DISP1: variants seen among roughly 807,000 people sequenced by gnomAD.
The protein encoded by DISP1 is protein dispatched homolog 1.
Under a neutral mutation model 37.3 loss-of-function variants are expected in DISP1, and 30 were observed. The observed-to-expected ratio is 0.80, with a 90% CI of 0.60 to 1.09. The LOEUF is 1.09. DISP1 is among the 50% of genes least tolerant of loss of function. DISP1 has a pLI of 0.00. For missense variants in DISP1, 1,598 were observed against 1,879.5 expected (o/e 0.85, Z 2.77); for synonymous variants, 634 against 690.2 (o/e 0.92, Z 1.28).
intron 2 of DISP1, among the ~76,000 whole-genome samples, chr1:222,933,043 A>G (rs926408789): frequency 6.6e-6 from 1 of 151,968 alleles, no homozygotes; most frequent in Non-Finnish European, 1.5e-5. Context: ...TGAAATTTCT[A>G]TCACTCACCT....
intron 1 of DISP1, among the ~76,000 whole-genome samples, chr1:222,920,419 T>G (rs1028937870): frequency 3.3e-5 from 5 of 152,210 alleles, no homozygotes; most frequent in African/African-American, 7.2e-5. Flanking sequence ...GCAGCACAGA[T>G]TATATATTTA....
chr1:222,992,061 A>G lies in DISP1; in HGVS notation c.840A>G (p.Arg280=), dbSNP rs750888209. The change falls in exon 7 of 9, where the codon AGA becomes AGG. Residue 280 remains arginine, a synonymous_variant. Coordinates refer to ENST00000675850, the MANE Select transcript of DISP1 (RefSeq NM_001377229.1). ...WSDDHYEREK[R]EVDWNFHKDS... The stretch of plus-strand genomic sequence containing the variant: ...ATGATCATTATGAAAGAGAGAAAAG[A>G]GAAGTTGACTGGAACTTCCACAAGG... 19 of 1,613,966 alleles carry G rather than the reference A, an allele frequency of 1.2e-5. No homozygotes were observed. The highest frequency in any genetic ancestry group is 1.5e-5 in the Non-Finnish European group (18 of 1,179,978).
Position 223,003,961 on chromosome 1 carries a change from C to T in DISP1, c.2564C>T (p.Thr855Ile), listed in dbSNP as rs2102802829. 1 of 1,614,174 alleles carries T rather than the reference C, an allele frequency of 6.2e-7. No individual in the cohort carries two copies. The highest frequency in any genetic ancestry group is 8.5e-7 in the Non-Finnish European group (1 of 1,180,026). Residue 855 changes from threonine (T) to isoleucine (I), a missense_variant, in exon 9 of 9, where the codon ACA becomes ATA. By Grantham distance (89) the Thr-to-Ile change is moderately conservative. Transcript: ENST00000675850. The surrounding 1 kb of genome is among the most constrained non-coding windows in gnomAD (Gnocchi z 4.3). Reference sequence around the variant, plus strand: ...GACTTCACCAGCTGCTTCATTGAGACATTCAAACAGTGGATGGAAAACCAG... The same window carrying T: ...GACTTCACCAGCTGCTTCATTGAGATATTCAAACAGTGGATGGAAAACCAG... Reference protein sequence around the residue: ...EQDFTSCFIETFKQWMENQDC... With the variant: ...EQDFTSCFIEIFKQWMENQDC...
At chr1:222,940,323 G>A (rs1231942489) in intron 2 of DISP1, among the ~76,000 whole-genome samples, 1 of 152,020 alleles carries the variant, frequency 6.6e-6, no homozygotes, top group Non-Finnish European at 1.5e-5. Context: ...AAGTTGGCCG[G>A]GGACATGTGT....
At chr1:222,855,401 AT>A (rs1283609291) in intron 1 of DISP1, among the ~76,000 whole-genome samples, 1 of 152,240 alleles carries the variant, frequency 6.6e-6, no homozygotes, top group Non-Finnish European at 1.5e-5. Flanking sequence ...TTTTACCTAA[AT>A]GGAAATTTGT....
intron 1 of DISP1, among the ~76,000 whole-genome samples, chr1:222,873,148 A>G (rs1237824521): frequency 5.3e-5 from 8 of 152,088 alleles, no homozygotes; most frequent in African/African-American, 1.9e-4. Context: ...ACAGTTTGTT[A>G]TAATTTCTGT....
chr1:222,909,996 CAGTTT>C (rs1432913425), intron 1 of DISP1, among the ~76,000 whole-genome samples: 3 of 152,310 alleles, frequency 2.0e-5, no homozygotes, highest in Non-Finnish European at 4.4e-5. Flanking sequence ...GATAAAAACA[CAGTTT>C]AGTGACCAGA....
At chr1:222,853,416 G>A (rs940575350) in intron 1 of DISP1, among the ~76,000 whole-genome samples, 49 of 152,222 alleles carry the variant, frequency 3.2e-4, no homozygotes, top group East Asian at 1.9e-3. Flanking sequence ...CAAAGGAAAG[G>A]AAATATCAAT....
intron 1 of DISP1, among the ~76,000 whole-genome samples, chr1:222,832,449 G>C (rs1263580969): frequency 6.6e-6 from 1 of 152,026 alleles, no homozygotes; most frequent in Non-Finnish European, 1.5e-5. Context: ...TTTGGTTACT[G>C]GTCCTAAGAG....
intron 1 of DISP1, among the ~76,000 whole-genome samples, chr1:222,919,914 T>C (rs778025427): frequency 5.1e-4 from 77 of 152,228 alleles, no homozygotes; most frequent in Non-Finnish European, 1.0e-3. Context: ...AACTTCATTT[T>C]ATTTTTGGGA....
At chr1:222,888,693 T>C (rs975229032) in intron 1 of DISP1, among the ~76,000 whole-genome samples, 1 of 152,122 alleles carries the variant, frequency 6.6e-6, no homozygotes, top group African/African-American at 2.4e-5. Context: ...TCCCACATAC[T>C]GAGAGAGTAA....
intron 8 of DISP1, among the ~76,000 whole-genome samples, chr1:223,000,487 A>G (rs985244517): frequency 1.3e-5 from 2 of 152,224 alleles, no homozygotes; most frequent in African/African-American, 4.8e-5. Flanking sequence ...AGGCTTTGTT[A>G]AAGTAAATAT....
chr1:222,867,177 G>T (rs1306115144), intron 1 of DISP1, among the ~76,000 whole-genome samples: 2 of 152,222 alleles, frequency 1.3e-5, no homozygotes, highest in Non-Finnish European at 2.9e-5. Context: ...TTAATCTAGA[G>T]ACTGAATGGC....
In DISP1 at chr1:222,942,823, C is replaced by G; in HGVS notation, c.-1C>G. On this transcript the variant is annotated 5_prime_UTR_variant, in exon 3 of 9. Transcript: ENST00000675850. ...CTTACTTAGAGTCAAGAAATTGGAGCATGGCTATGAGCAATGGAAACAATG... is the reference window on the plus strand; with the variant it reads ...CTTACTTAGAGTCAAGAAATTGGAGGATGGCTATGAGCAATGGAAACAATG... The G allele has an allele frequency of 6.2e-7, 1 of 1,614,136 alleles. No homozygotes were observed. The highest frequency in any genetic ancestry group is 8.5e-7 in the Non-Finnish European group (1 of 1,180,026).
At chr1:222,891,143 A>T (rs1354957349) in intron 1 of DISP1, among the ~76,000 whole-genome samples, 2 of 152,092 alleles carry the variant, frequency 1.3e-5, no homozygotes, top group Non-Finnish European at 2.9e-5. Flanking sequence ...AGAGAACAGC[A>T]TGTGTGAAGG....
Position 222,841,527 on chromosome 1 carries a change from C to T in DISP1, c.-159+26449C>T, listed in dbSNP as rs151086446. On this transcript the variant is annotated intron_variant, in intron 1 of 8. Transcript: ENST00000675850. Reference sequence around the variant, plus strand: ...CCAAAGTTTATGTGTTTAACCACTACGCTAGACAGACTCCTATTTTTAAAA... The same window carrying T: ...CCAAAGTTTATGTGTTTAACCACTATGCTAGACAGACTCCTATTTTTAAAA... Among the ~76,000 whole-genome samples the T allele has an allele frequency of 9.9e-3, 1,509 of 152,258 alleles. 11 individuals are homozygous for T. Among genetic ancestry groups the T allele is most frequent in the Non-Finnish European group, 0.015 (1,011 of 68,000 alleles).
At chr1:222,889,920 GT>G (rs1317868934) in intron 1 of DISP1, among the ~76,000 whole-genome samples, 1 of 152,080 alleles carries the variant, frequency 6.6e-6, no homozygotes, top group Non-Finnish European at 1.5e-5. Context: ...CTTTCAAGCT[GT>G]TTTATTGGCA....
intron 1 of DISP1, among the ~76,000 whole-genome samples, chr1:222,878,856 C>T (rs920332585): frequency 1.3e-5 from 2 of 152,046 alleles, no homozygotes; most frequent in African/African-American, 4.8e-5. Context: ...TTAAAAAGAT[C>T]TTTAAGGGAA....
At chr1:222,870,050 T>A (rs985271114) in intron 1 of DISP1, among the ~76,000 whole-genome samples, 7 of 152,324 alleles carry the variant, frequency 4.6e-5, no homozygotes, top group African/African-American at 1.4e-4. Flanking sequence ...TTTGGTTTTT[T>A]GTCCTTGCGA....
Sources: allele counts gnomAD v4.1 joint callset (sites outside exome capture counted in the v4.1 genomes callset), GRCh38; gene constraint gnomAD v4.1.1; non-coding constraint Gnocchi (gnomAD v3.1); transcripts MANE v1.5; gene names NCBI Gene and HGNC (gene_info 2026-07-23, HGNC 2026-07-21).